MCTP1: variants seen among roughly 807,000 people sequenced by gnomAD.
MCTP1 encodes multiple C2 and transmembrane domain-containing protein 1.
Under a neutral mutation model 120.6 loss-of-function variants are expected in MCTP1, and 69 were observed. The observed-to-expected ratio is 0.57, with a 90% CI of 0.47 to 0.70. MCTP1 has a LOEUF of 0.70. Ranked by LOEUF, MCTP1 falls within the 30% of genes least tolerant of loss-of-function variation. The pLI, the probability that MCTP1 is intolerant of heterozygous loss-of-function variation, is 0.00. For missense variants in MCTP1, 1,203 were observed against 1,248.8 expected, an observed-to-expected ratio of 0.96 and a Z score of 0.55; for synonymous variants, 529 against 493.1, an observed-to-expected ratio of 1.07 and a Z score of -0.96.
Position 94,931,866 on chromosome 5 carries a change from T to A in MCTP1, c.1212+87A>T. 5.1e-6 allele frequency: 5 copies of A among 979,824 alleles called. No individual in the cohort carries two copies. In the South Asian group the frequency reaches 7.0e-5, roughly 14 times the overall value. 60.7% of individuals were successfully genotyped at this position (979,824 alleles called of 1,614,324 possible). On this transcript the variant is annotated intron_variant, in intron 6 of 22. Transcript: ENST00000515393. ...TTGAATAGTATGAAATCTGGTAGCATACTTTGAAGAGATGAGAGAGATCTG... is the reference window on the plus strand; with the variant it reads ...TTGAATAGTATGAAATCTGGTAGCAAACTTTGAAGAGATGAGAGAGATCTG...
intron 18 of MCTP1, among the ~76,000 whole-genome samples, chr5:94,788,278 T>G (rs1206860118): frequency 6.6e-6 from 1 of 152,186 alleles, no homozygotes; most frequent in African/African-American, 2.4e-5. Context: ...TTTAGTTTGG[T>G]CACTAAAACA....
chr5:95,256,568 G>T (rs190877132), intron 1 of MCTP1, among the ~76,000 whole-genome samples: 79 of 152,324 alleles, frequency 5.2e-4, no homozygotes, highest in African/African-American at 1.8e-3. Flanking sequence ...TCCTGCTGTT[G>T]CCAAACCCTG....
chr5:94,901,581 G>C (rs915371159), intron 10 of MCTP1, among the ~76,000 whole-genome samples: 7 of 151,552 alleles, frequency 4.6e-5, no homozygotes, highest in African/African-American at 1.7e-4. Context: ...CATGTTTCCT[G>C]ACTTCCATAT....
At chr5:95,250,585 C>A (rs1757289377) in intron 1 of MCTP1, among the ~76,000 whole-genome samples, 1 of 152,150 alleles carries the variant, frequency 6.6e-6, no homozygotes, top group Admixed American at 6.5e-5. Flanking sequence ...CATCCACATC[C>A]TAGCTGGGCA....
intron 17 of MCTP1, among the ~76,000 whole-genome samples, chr5:94,858,145 C>T (rs1180751236): frequency 6.6e-6 from 1 of 151,624 alleles, no homozygotes; most frequent in Non-Finnish European, 1.5e-5. Context: ...AAGCAACTCA[C>T]TGAAAATATA....
chr5:94,764,481 A>G (rs1346138106), intron 19 of MCTP1, among the ~76,000 whole-genome samples: 3 of 152,206 alleles, frequency 2.0e-5, no homozygotes, highest in Non-Finnish European at 4.4e-5. Flanking sequence ...TAGTACCACC[A>G]AAAGAAACTC....
Position 95,213,138 on chromosome 5 carries a change from C to T in MCTP1, c.720+70718G>A, listed in dbSNP as rs1399893145. On this transcript the variant is annotated intron_variant, in intron 1 of 22. Coordinates refer to ENST00000515393, the MANE Select transcript of MCTP1 (RefSeq NM_024717.7). ...CCCCATCGTCTCAGCCCAAAATCTCCTTAAGCTGATAAGCAACTTCAGCAA... is the reference window on the plus strand; with the variant it reads ...CCCCATCGTCTCAGCCCAAAATCTCTTTAAGCTGATAAGCAACTTCAGCAA... Among the ~76,000 whole-genome samples, 11 of 152,272 alleles carry T rather than the reference C, an allele frequency of 7.2e-5. No individual in the cohort carries two copies. The South Asian group carries it at 1.0e-3, about 14-fold the overall frequency.
chr5:95,268,910 G>T (rs1172804361), intron 1 of MCTP1, among the ~76,000 whole-genome samples: 2 of 152,196 alleles, frequency 1.3e-5, no homozygotes, highest in Non-Finnish European at 2.9e-5. Context: ...CTGTGGGTTG[G>T]ACCCGGCAAG....
chr5:95,231,895 T>C (rs1754991748), intron 1 of MCTP1, among the ~76,000 whole-genome samples: 1 of 152,116 alleles, frequency 6.6e-6, no homozygotes, highest in Admixed American at 6.5e-5. Context: ...TACTTGAAAG[T>C]AGACTTTGAT....
In MCTP1 at chr5:94,924,004, T is replaced by C; in HGVS notation, c.1230A>G (p.Glu410=). ...TCACAGAGAAATAAGATCCAACCAC[T>C]TCATTTTCTGAAAGTTCCTAGAAAC... The part of the protein sequence containing the change: ...KRSSKELSEN[E]VVGSYFSVKS... The change falls in exon 7 of 23, where the codon GAA becomes GAG. Residue 410 remains glutamate (E), a synonymous_variant. Transcript: ENST00000515393. 1 of 1,508,106 alleles carries C rather than the reference T, an allele frequency of 6.6e-7. No homozygotes were observed. Among genetic ancestry groups the C allele is most frequent in the Admixed American group, 2.4e-5 (1 of 41,888 alleles). The allele number at this position is 1,508,106 out of a possible 1,614,324, so 93.4% of individuals were successfully genotyped here.
chr5:95,141,913 C>G (rs1056196713), intron 1 of MCTP1, among the ~76,000 whole-genome samples: 9 of 152,168 alleles, frequency 5.9e-5, no homozygotes, highest in African/African-American at 2.2e-4. Flanking sequence ...TAAAAACTAT[C>G]TGAATAAGTA....
chr5:95,104,089 A>G (rs986030008), intron 1 of MCTP1, among the ~76,000 whole-genome samples: 1 of 152,186 alleles, frequency 6.6e-6, no homozygotes, highest in East Asian at 1.9e-4. Flanking sequence ...TTACGTATCA[A>G]TTATGAAAGA....
chr5:94,916,987 C>A (rs1810240201), intron 8 of MCTP1, among the ~76,000 whole-genome samples: 1 of 152,164 alleles, frequency 6.6e-6, no homozygotes, highest in African/African-American at 2.4e-5. Flanking sequence ...ATTTAAAGTC[C>A]TTTTTTAGTC....
Position 94,918,019 on chromosome 5 carries a change from C to T in MCTP1, c.1273-46G>A, listed in dbSNP as rs779453595. On this transcript the variant is annotated intron_variant, in intron 7 of 22. Coordinates refer to ENST00000515393, the MANE Select transcript of MCTP1 (RefSeq NM_024717.7). ...AGAGCTGTACGGGGAAGCTTTGTAC[C>T]ATTCTCAACCCCTCATTTTGATCAG... 3 of 1,384,734 alleles carry T rather than the reference C, an allele frequency of 2.2e-6. No individual in the cohort carries two copies. The East Asian group carries it at 6.9e-5, about 32-fold the overall frequency. 85.8% of individuals were successfully genotyped at this position (1,384,734 alleles called of 1,614,324 possible).
At chr5:95,280,619 C>T (rs990431809) in intron 1 of MCTP1, among the ~76,000 whole-genome samples, 1 of 152,112 alleles carries the variant, frequency 6.6e-6, no homozygotes, top group Non-Finnish European at 1.5e-5. Flanking sequence ...TGGCCCAACA[C>T]GTGAACCAGA....
intron 1 of MCTP1, among the ~76,000 whole-genome samples, chr5:95,095,422 T>C (rs1562139123): frequency 6.6e-6 from 1 of 152,196 alleles, no homozygotes; most frequent in Non-Finnish European, 1.5e-5. Context: ...ACATCTTCAA[T>C]GCATTGCAAT....
chr5:94,878,842 A>T (rs566795243), intron 12 of MCTP1, among the ~76,000 whole-genome samples: 2 of 152,008 alleles, frequency 1.3e-5, no homozygotes. Context: ...AATTAAAAAA[A>T]ACAGGTAAAA....
At chr5:95,029,155 C>A (rs1479325745) in intron 1 of MCTP1, among the ~76,000 whole-genome samples, 534 of 135,796 alleles carry the variant, frequency 3.9e-3, no homozygotes, top group Middle Eastern at 0.012. Flanking sequence ...GACTCCATCT[C>A]AAAAAAAAAA....
chr5:94,776,431 G>A (rs1238882507), intron 19 of MCTP1, among the ~76,000 whole-genome samples: 2 of 152,120 alleles, frequency 1.3e-5, no homozygotes, highest in African/African-American at 4.8e-5. Context: ...TCTGTGCCAC[G>A]TAATACCCCA....
Sources: allele counts gnomAD v4.1 joint callset (sites outside exome capture counted in the v4.1 genomes callset), GRCh38; gene constraint gnomAD v4.1.1; transcripts MANE v1.5; gene names NCBI Gene and HGNC (gene_info 2026-07-23, HGNC 2026-07-21).